The following KLHL13 variants were observed in gnomAD, a reference collection of about 807,000 sequenced individuals.
The protein encoded by KLHL13 is kelch like family member 13.
KLHL13 carries 10 observed loss-of-function variants against 37.1 expected under a neutral mutation model. The ratio of observed to expected loss-of-function variants is 0.27; its 90% CI spans 0.17 to 0.46. The LOEUF is 0.46. Ranked by LOEUF, KLHL13 falls within the 20% of genes least tolerant of loss-of-function variation. KLHL13 has a pLI of 1.00. For synonymous variants in KLHL13, 163 were observed against 181.2 expected, an observed-to-expected ratio of 0.90 and a Z score of 0.81; for missense variants, 360 against 509.3, an observed-to-expected ratio of 0.71 and a Z score of 2.82.
chrX:117,939,908 G>A (rs1040485877), intron 2 of KLHL13, among the ~76,000 whole-genome samples: 1 of 111,553 alleles, frequency 9.0e-6, no homozygotes, highest in Admixed American at 9.6e-5. Flanking sequence ...ACACTCTGAT[G>A]ATAGTTTCTT....
intron 1 of KLHL13, among the ~76,000 whole-genome samples, chrX:118,010,066 T>C (rs374002615): frequency 1.1e-4 from 12 of 106,750 alleles, no homozygotes; most frequent in East Asian, 3.0e-4. Flanking sequence ...GTTAGAATGG[T>C]AATCATTAAA....
chrX:118,086,674 T>C (rs2055058090), intron 1 of KLHL13, among the ~76,000 whole-genome samples: 1 of 112,040 alleles, frequency 8.9e-6, no homozygotes, highest in Admixed American at 9.5e-5. Context: ...TATACACACA[T>C]GCTTGTATTT....
chrX:117,982,940 T>G (rs974749476), intron 1 of KLHL13, among the ~76,000 whole-genome samples: 9 of 112,014 alleles, frequency 8.0e-5, no homozygotes, highest in Non-Finnish European at 1.3e-4. Context: ...TGGGAGAGTC[T>G]GAAAGTAAGG....
intron 1 of KLHL13, among the ~76,000 whole-genome samples, chrX:118,018,897 T>C (rs1027950400): frequency 9.0e-6 from 1 of 111,670 alleles, no homozygotes; most frequent in Non-Finnish European, 1.9e-5. Flanking sequence ...ACTTAGCTTT[T>C]ATAGATATAC....
intron 1 of KLHL13, among the ~76,000 whole-genome samples, chrX:118,022,715 GTAAGT>G (rs1304999171): frequency 8.9e-6 from 1 of 112,087 alleles, no homozygotes; most frequent in Non-Finnish European, 1.9e-5. Context: ...ACTGAGTTAT[GTAAGT>G]TATGTTAAGA....
At chrX:117,965,473 G>T (rs1322164689) in intron 1 of KLHL13, among the ~76,000 whole-genome samples, 1 of 111,322 alleles carries the variant, frequency 9.0e-6, no homozygotes, top group Admixed American at 9.5e-5. Flanking sequence ...TCTACCAGAG[G>T]TACAAGGAGG....
At chrX:118,060,459 T>C (rs1431143022) in intron 1 of KLHL13, among the ~76,000 whole-genome samples, 1 of 111,502 alleles carries the variant, frequency 9.0e-6, no homozygotes, top group African/African-American at 3.3e-5. Flanking sequence ...CATTACATCA[T>C]TTTTGAAAAT....
At chrX:118,013,566 C>T (rs1416469613) in intron 1 of KLHL13, among the ~76,000 whole-genome samples, 1 of 111,647 alleles carries the variant, frequency 9.0e-6, no homozygotes, top group Non-Finnish European at 1.9e-5. Context: ...ATATAAATTA[C>T]GTTGGTCGAG....
At position 118,042,556 on chromosome X, in the gene KLHL13, T is replaced by C. The variant is rs144030255; in HGVS notation, c.-56+73952A>G. On this transcript the variant is annotated intron_variant, in intron 1 of 6. Transcript: ENST00000371882. ...CTAGAAATCAATAACAAGAGAAATT[T>C]TGGAAACTGTACAAACACATGAAAA... Among the ~76,000 whole-genome samples, 462 of 111,809 alleles carry C rather than the reference T, an allele frequency of 4.1e-3. 3 individuals carry two copies. Among genetic ancestry groups the C allele is most frequent in the African/African-American group, 0.014 (422 of 30,876 alleles).
chrX:117,989,166 C>A (rs1482573737), intron 1 of KLHL13, among the ~76,000 whole-genome samples: 1 of 111,631 alleles, frequency 9.0e-6, no homozygotes, highest in Non-Finnish European at 1.9e-5. Context: ...GTCAGTTTAA[C>A]CTCAGCCAGC....
rs763534926 is a variant in KLHL13, at chrX:117,929,219, A to G, written c.241-8849T>C. Among the ~76,000 whole-genome samples, 331 of 112,116 alleles carry G rather than the reference A, an allele frequency of 3.0e-3. 3 individuals are homozygous for G. Among genetic ancestry groups the G allele is most frequent in the Non-Finnish European group, 5.1e-3 (270 of 53,142 alleles). On this transcript the variant is annotated intron_variant, in intron 2 of 6. Coordinates refer to ENST00000262820, the Ensembl canonical transcript of KLHL13. ...TTCCCCAAGGAAAACTCTAAGATGA[A>G]ATGGTTTCACTGGTGAAATCTATCA...
upstream of KLHL13, among the ~76,000 whole-genome samples, chrX:117,978,639 A>C (rs1410276805): frequency 9.0e-6 from 1 of 111,238 alleles, no homozygotes; most frequent in Non-Finnish European, 1.9e-5. Flanking sequence ...ACAAAGATCC[A>C]GTTGTTGGGG....
exon 5 of KLHL13, chrX:117,909,951 C>G (rs138906199): frequency 8.3e-7 from 1 of 1,211,602 alleles, no homozygotes; most frequent in East Asian, 3.0e-5. Context: ...GAAGGCAAGA[C>G]GCTCAAAAGG....
chrX:117,962,103 G>A (rs1602599059), intron 1 of KLHL13, among the ~76,000 whole-genome samples: 2 of 103,793 alleles, frequency 1.9e-5, no homozygotes, highest in East Asian at 2.9e-4. Context: ...CCCAGTTACT[G>A]AGGAGGCTGA....
At chrX:118,062,431 G>C (rs770540432) in intron 1 of KLHL13, among the ~76,000 whole-genome samples, 8 of 109,610 alleles carry the variant, frequency 7.3e-5, no homozygotes, top group African/African-American at 2.6e-4. Flanking sequence ...ATTTTCTGTA[G>C]TTTTCTATAC....
intron 5 of KLHL13, among the ~76,000 whole-genome samples, chrX:117,905,652 G>GTT (rs200271336): frequency 8.4e-5 from 9 of 106,778 alleles, no homozygotes; most frequent in Non-Finnish European, 1.2e-4. Flanking sequence ...TGTTGCCACT[G>GTT]TTTTTTTTTT....
intron 1 of KLHL13, among the ~76,000 whole-genome samples, chrX:118,038,769 G>A (rs1339087749): frequency 9.0e-6 from 1 of 111,312 alleles, no homozygotes; most frequent in Non-Finnish European, 1.9e-5. Context: ...TGTTATGCTG[G>A]GCTCAAAGCC....
intron 1 of KLHL13, among the ~76,000 whole-genome samples, chrX:118,083,479 C>T (rs777511706): frequency 1.8e-5 from 2 of 111,214 alleles, no homozygotes; most frequent in African/African-American, 6.5e-5. Context: ...AAGACAAGAA[C>T]GAAAGGACAA....
At chrX:117,904,438 C>T (rs1930361525) in intron 5 of KLHL13, among the ~76,000 whole-genome samples, 1 of 110,989 alleles carries the variant, frequency 9.0e-6, no homozygotes. Context: ...AGAGTTGGAG[C>T]CACAAAGCAG....
Sources: gnomAD v4.1 joint callset for allele counts (sites outside exome capture counted in the v4.1 genomes callset) on GRCh38, gnomAD v4.1.1 for gene constraint, MANE v1.5 for transcripts, NCBI Gene and HGNC (gene_info 2026-07-23, HGNC 2026-07-21) for gene names.